The following BRINP2 variants were observed in gnomAD, a reference collection of about 807,000 sequenced individuals.
BRINP2 encodes BMP/retinoic acid-inducible neural-specific protein 2.
In BRINP2, 21 loss-of-function variants were observed where a neutral mutation model predicts 69.2. The observed-to-expected ratio is 0.30, with a 90% confidence interval of 0.22 to 0.44. The LOEUF is 0.44. Among genes scored for constraint, BRINP2 ranks in the 20% least tolerant of loss-of-function variants. The pLI is 1.00. For missense variants in BRINP2, 877 were observed against 986.0 expected (o/e 0.89, Z 1.48); for synonymous variants, 380 against 394.1 (o/e 0.96, Z 0.42).
chr1:177,220,856 T>C (rs1419425624), intron 1 of BRINP2, among the ~76,000 whole-genome samples: 1 of 152,116 alleles, frequency 6.6e-6, no homozygotes, highest in Non-Finnish European at 1.5e-5. Context: ...ACCTGTGGTT[T>C]TTGAGACAGC....
At chr1:177,212,405 C>G (rs1649249702) in intron 1 of BRINP2, among the ~76,000 whole-genome samples, 1 of 152,102 alleles carries the variant, frequency 6.6e-6, no homozygotes, top group African/African-American at 2.4e-5. Flanking sequence ...ATTAGCCAGC[C>G]ATGGTGGCGG....
intron 1 of BRINP2, among the ~76,000 whole-genome samples, chr1:177,227,005 C>G (rs776782797): frequency 1.3e-4 from 20 of 152,210 alleles, no homozygotes; most frequent in Non-Finnish European, 2.4e-4. Context: ...AACCTTTGTC[C>G]TCACTGCCAC....
intron 1 of BRINP2, among the ~76,000 whole-genome samples, chr1:177,199,334 C>T (rs550492243): frequency 4.6e-5 from 7 of 152,234 alleles, no homozygotes; most frequent in South Asian, 4.1e-4. Context: ...TTTTTAAGGA[C>T]AACTTTGCCC....
At chr1:177,256,746 A>G in intron 3 of BRINP2, 4 of 1,089,524 alleles carry the variant, frequency 3.7e-6, no homozygotes, top group Non-Finnish European at 4.5e-6. Context: ...GGCTCGGGCC[A>G]GCTGTCGGCA....
intron 2 of BRINP2, among the ~76,000 whole-genome samples, chr1:177,249,002 C>T (rs1264631519): frequency 6.6e-6 from 1 of 152,040 alleles, no homozygotes; most frequent in Non-Finnish European, 1.5e-5. Context: ...TAGGGAAATC[C>T]CTAAACTCAT....
intron 3 of BRINP2, 42 bp from the exon 4 acceptor site, chr1:177,257,134 G>T: frequency 6.2e-7 from 1 of 1,609,520 alleles, no homozygotes; most frequent in South Asian, 1.1e-5. Context: ...GGGGATTCGA[G>T]AGCAGAGAGC....
intron 1 of BRINP2, among the ~76,000 whole-genome samples, chr1:177,218,966 A>C (rs1165936257): frequency 6.6e-6 from 1 of 152,168 alleles, no homozygotes; most frequent in Non-Finnish European, 1.5e-5. Context: ...GCCACTATCT[A>C]ATCTATTATT....
chr1:177,240,676 T>A (rs981392613), intron 2 of BRINP2, among the ~76,000 whole-genome samples: 3 of 152,190 alleles, frequency 2.0e-5, no homozygotes, highest in Non-Finnish European at 4.4e-5. Flanking sequence ...CTAGGATAGA[T>A]GTGTGCATGT....
chr1:177,181,915 GC>G (rs1459117357), intron 1 of BRINP2, among the ~76,000 whole-genome samples: 1 of 152,224 alleles, frequency 6.6e-6, no homozygotes, highest in Non-Finnish European at 1.5e-5. Flanking sequence ...CGGGATTCTT[GC>G]CCCGGAGGTT....
At chr1:177,265,904 A>C (rs1347620657) in intron 4 of BRINP2, among the ~76,000 whole-genome samples, 1 of 151,996 alleles carries the variant, frequency 6.6e-6, no homozygotes, top group Non-Finnish European at 1.5e-5. Flanking sequence ...GCGGATCACA[A>C]GGTCAGGAGA....
chr1:177,177,990 G>C (rs1009171501), intron 1 of BRINP2, among the ~76,000 whole-genome samples: 1 of 152,104 alleles, frequency 6.6e-6, no homozygotes, highest in Non-Finnish European at 1.5e-5. Context: ...AAATCCACCC[G>C]ACTTCCAAAC....
chr1:177,231,009 A>G (rs936578887), intron 2 of BRINP2, among the ~76,000 whole-genome samples: 1 of 152,244 alleles, frequency 6.6e-6, no homozygotes, highest in Non-Finnish European at 1.5e-5. Context: ...TGCAAAAAGA[A>G]AAAACATGAA....
At chr1:177,209,621 C>G (rs1474521457) in intron 1 of BRINP2, among the ~76,000 whole-genome samples, 2 of 152,262 alleles carry the variant, frequency 1.3e-5, no homozygotes, top group East Asian at 3.9e-4. Flanking sequence ...CCGCCTCACG[C>G]AAGTGGAGCA....
intron 1 of BRINP2, among the ~76,000 whole-genome samples, chr1:177,181,713 G>C (rs549032832): frequency 6.6e-6 from 1 of 152,330 alleles, no homozygotes; most frequent in African/African-American, 2.4e-5. Flanking sequence ...GGTGGCTGAC[G>C]GGTGTGCCGG....
intron 2 of BRINP2, among the ~76,000 whole-genome samples, chr1:177,249,536 AAC>A (rs1421676494): frequency 1.3e-5 from 2 of 152,242 alleles, no homozygotes; most frequent in Non-Finnish European, 2.9e-5. Flanking sequence ...CTGTGTAACA[AAC>A]ACAGTGGGAG....
rs530047267 is a variant in BRINP2, at chr1:177,214,995, C to CA, written c.-76-14798dup. Among the ~76,000 whole-genome samples the CA allele has an allele frequency of 2.3e-3, 342 of 151,962 alleles. 2 individuals carry two copies. Among genetic ancestry groups the CA allele is most frequent in the Non-Finnish European group, 3.8e-3 (257 of 67,936 alleles). On this transcript the variant is annotated intron_variant, in intron 1 of 7. Transcript: ENST00000361539. ...ATATTTAGCACACTGTGCAATAGAT[C>CA]AAAAAAAATCAAACTTATTTCTTCT... is the stretch of plus-strand genomic sequence containing the variant.
chr1:177,232,493 C>A (rs1649889747), intron 2 of BRINP2, among the ~76,000 whole-genome samples: 1 of 152,138 alleles, frequency 6.6e-6, no homozygotes, highest in Admixed American at 6.5e-5. Context: ...GATTTGTGAC[C>A]TTTTGGTGGG....
intron 1 of BRINP2, among the ~76,000 whole-genome samples, chr1:177,180,954 T>C (rs548437566): frequency 6.6e-6 from 1 of 152,326 alleles, no homozygotes; most frequent in Non-Finnish European, 1.5e-5. Context: ...GAGTTCAATG[T>C]CTATGAATGA....
At chr1:177,273,014 TTAATAC>T (rs1300111905) in intron 4 of BRINP2, among the ~76,000 whole-genome samples, 2 of 152,224 alleles carry the variant, frequency 1.3e-5, no homozygotes, top group African/African-American at 4.8e-5. Flanking sequence ...ACTTAAATGT[TTAATAC>T]TAATACTAAT....
Sources: allele counts gnomAD v4.1 joint callset (sites outside exome capture counted in the v4.1 genomes callset), GRCh38; gene constraint gnomAD v4.1.1; transcripts MANE v1.5; gene names NCBI Gene and HGNC (gene_info 2026-07-23, HGNC 2026-07-21).